BMPR2: variants seen among roughly 807,000 people sequenced by gnomAD.
BMPR2 encodes bone morphogenetic protein receptor type 2, also known as bone morphogenetic protein receptor type-2.
BMPR2 carries 29 observed loss-of-function variants against 100.8 expected under a neutral mutation model. The ratio of observed to expected loss-of-function variants is 0.29; its 90% CI spans 0.21 to 0.39. BMPR2 has a LOEUF of 0.39. Among genes scored for constraint, BMPR2 ranks in the 10% least tolerant of loss-of-function variants. The probability of loss-of-function intolerance (pLI) is 1.00; values close to 1 mark genes in which losing one functional copy is unlikely to be tolerated. For missense variants in BMPR2, 1,011 were observed against 1,274.5 expected (o/e 0.79, Z 3.15); for synonymous variants, 382 against 442.3 (o/e 0.86, Z 1.71).
chr2:202,466,084 G>T (rs994409314), intron 2 of BMPR2, among the ~76,000 whole-genome samples: 2 of 152,092 alleles, frequency 1.3e-5, no homozygotes, highest in African/African-American at 4.8e-5. Context: ...CAGTTGTTCA[G>T]TGAACAACTT....
At chr2:202,552,663 A>G in intron 10 of BMPR2, 53 bp from the exon 11 acceptor site, 1 of 1,580,978 alleles carries the variant, frequency 6.3e-7, no homozygotes, top group East Asian at 2.2e-5. Context: ...TGAAAAGCTC[A>G]ATACATTTTT....
intron 1 of BMPR2, among the ~76,000 whole-genome samples, chr2:202,397,604 T>C (rs1690678837): frequency 6.6e-6 from 1 of 151,016 alleles, no homozygotes; most frequent in African/African-American, 2.4e-5. Flanking sequence ...GCTCAAACAA[T>C]TCTGCTGCCT....
intron 1 of BMPR2, among the ~76,000 whole-genome samples, chr2:202,382,260 A>G (rs1443797425): frequency 6.6e-6 from 1 of 151,994 alleles, no homozygotes; most frequent in Non-Finnish European, 1.5e-5. Flanking sequence ...GGGTTTCACT[A>G]TGCTAGCCAG....
chr2:202,457,491 AATT>A (rs1014645147), intron 1 of BMPR2, among the ~76,000 whole-genome samples: 17 of 150,154 alleles, frequency 1.1e-4, no homozygotes, highest in Non-Finnish European at 2.1e-4. Flanking sequence ...CATAAAGATC[AATT>A]ATTTTTAGCA....
intron 1 of BMPR2, among the ~76,000 whole-genome samples, chr2:202,392,332 A>C (rs1004319329): frequency 2.0e-5 from 3 of 152,002 alleles, no homozygotes; most frequent in African/African-American, 7.2e-5. Context: ...CAGCCTCCCA[A>C]AGTGCTGAGA....
At chr2:202,540,656 CTT>C (rs1256371879) in intron 9 of BMPR2, among the ~76,000 whole-genome samples, 1 of 152,098 alleles carries the variant, frequency 6.6e-6, no homozygotes, top group Non-Finnish European at 1.5e-5. Flanking sequence ...GAAACATAAA[CTT>C]ATTTGTAATG....
intron 1 of BMPR2, among the ~76,000 whole-genome samples, chr2:202,408,888 G>T (rs1690953788): frequency 6.6e-6 from 1 of 152,100 alleles, no homozygotes; most frequent in South Asian, 2.1e-4. Flanking sequence ...CTGCTTTGTG[G>T]TATATTATTG....
At position 202,562,232 on chromosome 2, in the gene BMPR2, A is replaced by G. The variant is rs1402819586; in HGVS notation, c.*2286A>G. The G allele has an allele frequency of 1.3e-5, 2 of 152,500 alleles. No homozygotes were observed. Among genetic ancestry groups the G allele is most frequent in the African/African-American group, 2.4e-5 (1 of 41,448 alleles). The allele number at this position is 152,500 out of a possible 1,614,324, so 9.4% of individuals were successfully genotyped here. A position where few individuals can be genotyped will look rare whatever the true frequency, so the allele number is the denominator to read the frequency against. On this transcript the variant is annotated 3_prime_UTR_variant, in exon 13 of 13. Coordinates refer to ENST00000374580, the MANE Select transcript of BMPR2 (RefSeq NM_001204.7). ...CAGAAGAGTTATCTTACGTTCTGCTATATTTGTATTTGGGCCAGTTGATTG... is the reference window on the plus strand; with the variant it reads ...CAGAAGAGTTATCTTACGTTCTGCTGTATTTGTATTTGGGCCAGTTGATTG...
chr2:202,414,954 G>A (rs1691093915), intron 1 of BMPR2, among the ~76,000 whole-genome samples: 1 of 151,932 alleles, frequency 6.6e-6, no homozygotes, highest in Non-Finnish European at 1.5e-5. Flanking sequence ...TGTCCAGGCT[G>A]GTCTTGAACT....
intron 1 of BMPR2, among the ~76,000 whole-genome samples, chr2:202,385,575 A>T (rs1208839562): frequency 6.7e-6 from 1 of 149,938 alleles, no homozygotes; most frequent in Non-Finnish European, 1.5e-5. Context: ...TGTGTTGGCC[A>T]GGCTGGTCTC....
chr2:202,397,610 T>C (rs975413422), intron 1 of BMPR2, among the ~76,000 whole-genome samples: 1 of 151,528 alleles, frequency 6.6e-6, no homozygotes, highest in African/African-American at 2.4e-5. Flanking sequence ...ACAATTCTGC[T>C]GCCTTAGCCT....
chr2:202,531,021 G>T, intron 8 of BMPR2, 67 bp downstream of exon 8: 1 of 1,582,976 alleles, frequency 6.3e-7, no homozygotes, highest in Non-Finnish European at 8.6e-7. Flanking sequence ...AACATCTACT[G>T]GCCAGGTGTG....
At chr2:202,466,037 T>C (rs775563546) in intron 2 of BMPR2, among the ~76,000 whole-genome samples, 52 of 152,214 alleles carry the variant, frequency 3.4e-4, no homozygotes, top group Non-Finnish European at 6.3e-4. Flanking sequence ...AGACATTATG[T>C]TATTTTCATG....
At chr2:202,490,520 C>T (rs1266991579) in intron 3 of BMPR2, among the ~76,000 whole-genome samples, 1 of 152,148 alleles carries the variant, frequency 6.6e-6, no homozygotes, top group Non-Finnish European at 1.5e-5. Context: ...AATGTACCCA[C>T]AATGATATAA....
intron 1 of BMPR2, among the ~76,000 whole-genome samples, chr2:202,442,049 T>A (rs1447153044): frequency 1.3e-5 from 2 of 149,608 alleles, no homozygotes; most frequent in Admixed American, 6.6e-5. Context: ...AAAAAAAAAA[T>A]TATAAAATGC....
chr2:202,402,630 C>A (rs1690788194), intron 1 of BMPR2, among the ~76,000 whole-genome samples: 1 of 151,162 alleles, frequency 6.6e-6, no homozygotes, highest in Non-Finnish European at 1.5e-5. Context: ...AGAAACAATA[C>A]TGATAGCAAA....
At chr2:202,492,700 C>CAAAAAAAAAAAAAAAAAAAAAAACAAAAA (rs1692928940) in intron 3 of BMPR2, among the ~76,000 whole-genome samples, 1 of 52,810 alleles carries the variant, frequency 1.9e-5, no homozygotes, top group Non-Finnish European at 3.1e-5. Context: ...AGCTCTGTCT[C>CAAAAAAAAAAAAAAAAAAAAAAACAAAAA]AAAAAAAAAA....
At chr2:202,484,457 G>A (rs1172648641) in intron 3 of BMPR2, among the ~76,000 whole-genome samples, 23 of 151,424 alleles carry the variant, frequency 1.5e-4, no homozygotes, top group African/African-American at 5.1e-4. Flanking sequence ...GGTGGATCAT[G>A]AGGTCAGGAG....
At chr2:202,510,080 C>A (rs1038524427) in intron 3 of BMPR2, among the ~76,000 whole-genome samples, 29 of 152,162 alleles carry the variant, frequency 1.9e-4, no homozygotes, top group African/African-American at 6.3e-4. Flanking sequence ...AACTTTGTTT[C>A]ACGTTAGACT....
Sources: gnomAD v4.1 joint callset for allele counts (sites outside exome capture counted in the v4.1 genomes callset) on GRCh38, gnomAD v4.1.1 for gene constraint, MANE v1.5 for transcripts, NCBI Gene and HGNC (gene_info 2026-07-23, HGNC 2026-07-21) for gene names.